Variants in NCAPG observed in about 807,000 individuals in gnomAD.
The protein encoded by NCAPG is non-SMC condensin I complex subunit G.
NCAPG carries 69 observed loss-of-function variants against 113.1 expected under a neutral mutation model. That is an observed-to-expected ratio of 0.61 (90% CI 0.50 to 0.75). NCAPG has a LOEUF of 0.75. NCAPG is among the 30% of genes least tolerant of loss of function. The probability of loss-of-function intolerance (pLI) is 0.00; values close to 1 mark genes in which losing one functional copy is unlikely to be tolerated. For missense variants in NCAPG, 1,058 were observed against 1,177.0 expected (o/e 0.90, Z 1.48); for synonymous variants, 370 against 415.8 (o/e 0.89, Z 1.34).
At chr4:17,823,569 G>A in intron 8 of NCAPG, 78 bp from the exon 9 acceptor site, 1 of 1,288,370 alleles carries the variant, frequency 7.8e-7, no homozygotes, top group Non-Finnish European at 1.1e-6. Flanking sequence ...ATGTAATTAA[G>A]TTTGCAGAGT....
At chr4:17,825,269 C>T in intron 10 of NCAPG, 113 bp from the exon 11 acceptor site, 2 of 990,178 alleles carry the variant, frequency 2.0e-6, no homozygotes, top group South Asian at 1.8e-5. Flanking sequence ...TTGCATATGC[C>T]TGACTCATTA....
chr4:17,829,234 G>T (rs1290013759), intron 12 of NCAPG, among the ~76,000 whole-genome samples: 1 of 152,150 alleles, frequency 6.6e-6, no homozygotes, highest in African/African-American at 2.4e-5. Context: ...AGCAAATTCT[G>T]TATGTAGCCA....
chr4:17,831,065 T>C lies in NCAPG; in HGVS notation c.1833T>C (p.Cys611=). 6.2e-7 allele frequency: 1 copy of C among 1,613,842 alleles called. No homozygotes were observed. Residue 611 remains cysteine, a synonymous_variant, in exon 13 of 21, where the codon TGT becomes TGC. Transcript: ENST00000251496. ...RNLAVLCLGC[C]GLQNQDFARK... ...TGGCTGTTTTATGCTTGGGATGCTG[T>C]GGACTACAGAATCAGGATTTTGCAA...
chr4:17,830,514 T>C (rs1009580239), intron 12 of NCAPG, among the ~76,000 whole-genome samples: 3 of 152,128 alleles, frequency 2.0e-5, no homozygotes, highest in Non-Finnish European at 4.4e-5. Context: ...GATACGATGT[T>C]TTGGTTATAT....
Position 17,815,375 on chromosome 4 carries a change from T to G in NCAPG, c.775+17T>G, listed in dbSNP as rs762554057. 2.6e-5 allele frequency: 41 copies of G among 1,555,952 alleles called. No homozygotes were observed. In the African/African-American group the frequency reaches 4.5e-4, roughly 17 times the overall value. On this transcript the variant is annotated intron_variant, in intron 5 of 20. Coordinates refer to ENST00000251496, the MANE Select transcript of NCAPG (RefSeq NM_022346.5). The stretch of plus-strand genomic sequence containing the variant: ...ACAGATCAGGTAAGATAAACAACTT[T>G]ATATATACAAAACTTTAGTAGATTT...
intron 19 of NCAPG, chr4:17,842,072 T>C (rs1722463463): frequency 2.5e-6 from 1 of 399,998 alleles, no homozygotes; most frequent in African/African-American, 2.0e-5. Context: ...GCTTGAAATT[T>C]CCTTATTTTC....
rs1307605599 is a variant in NCAPG, at chr4:17,842,250, A to AGAT, written c.2855-59_2855-57dup. The AGAT allele has an allele frequency of 4.2e-6, 6 of 1,430,456 alleles. No homozygotes were observed. The East Asian group carries it at 1.4e-4, about 33-fold the overall frequency. 88.6% of individuals were successfully genotyped at this position (1,430,456 alleles called of 1,614,324 possible). A position where few individuals can be genotyped will look rare whatever the true frequency, so the allele number is the denominator to read the frequency against. Reference sequence around the variant, plus strand: ...AAAGGATTTAGTTAGCCTAGAAACTAGATTAAAAACAAAAAGCAACTGATA... The same window carrying AGAT: ...AAAGGATTTAGTTAGCCTAGAAACTAGATGATTAAAAACAAAAAGCAACTGATA... On this transcript the variant is annotated intron_variant, in intron 19 of 20. Transcript: ENST00000251496.
intron 19 of NCAPG, chr4:17,841,873 ACCTT>A (rs1399623047): frequency 6.4e-6 from 1 of 155,370 alleles, no homozygotes. Flanking sequence ...ATGTTTTATC[ACCTT>A]CCAAGAAAAA....
Position 17,816,061 on chromosome 4 carries a change from C to T in NCAPG, c.775+703C>T, listed in dbSNP as rs182475771. On this transcript the variant is annotated intron_variant, in intron 5 of 20. Coordinates refer to ENST00000251496, the MANE Select transcript of NCAPG (RefSeq NM_022346.5). ...GGAATGGTCAGACCAGTATAATTTT[C>T]TTATTTTTTTTTTTTTCTGTTAGAG... is the stretch of plus-strand genomic sequence containing the variant. Among the ~76,000 whole-genome samples the T allele has an allele frequency of 6.9e-3, 1,017 of 147,628 alleles. 16 individuals are homozygous for T. The highest frequency in any genetic ancestry group is 0.024 in the African/African-American group (979 of 40,554).
chr4:17,817,254 T>A lies in NCAPG; in HGVS notation c.776-7T>A. Reference sequence around the variant, plus strand: ...TTTGTTCACCTATGTTTCAAATGACTCAATAGATGCTGTGAAACAAGCTAT... The same window carrying A: ...TTTGTTCACCTATGTTTCAAATGACACAATAGATGCTGTGAAACAAGCTAT... On this transcript the variant is annotated splice_polypyrimidine_tract_variant and splice_region_variant and intron_variant, in intron 5 of 20. Coordinates refer to ENST00000251496, the MANE Select transcript of NCAPG (RefSeq NM_022346.5). The A allele has an allele frequency of 1.2e-6, 2 of 1,607,386 alleles. No homozygotes were observed. Among genetic ancestry groups the A allele is most frequent in the Non-Finnish European group, 1.7e-6 (2 of 1,176,386 alleles).
chr4:17,826,746 G>A (rs1721671479), intron 11 of NCAPG, among the ~76,000 whole-genome samples: 1 of 152,170 alleles, frequency 6.6e-6, no homozygotes, highest in African/African-American at 2.4e-5. Context: ...AAGTATAGAG[G>A]TTTTATGGAG....
chr4:17,814,577 G>A (rs1721121034), intron 3 of NCAPG, among the ~76,000 whole-genome samples: 1 of 152,100 alleles, frequency 6.6e-6, no homozygotes, highest in Admixed American at 6.5e-5. Flanking sequence ...CTAAGTAACT[G>A]GAAGCGCCAC....
chr4:17,838,692 A>G (rs1722201615), intron 16 of NCAPG, among the ~76,000 whole-genome samples: 1 of 152,188 alleles, frequency 6.6e-6, no homozygotes, highest in South Asian at 2.1e-4. Flanking sequence ...AGGATCCTGA[A>G]TAGGACTGTT....
At chr4:17,819,139 A>C (rs1721342892) in intron 7 of NCAPG, among the ~76,000 whole-genome samples, 1 of 152,140 alleles carries the variant, frequency 6.6e-6, no homozygotes, top group African/African-American at 2.4e-5. Flanking sequence ...GTGCATATAT[A>C]ATGTAATAGA....
intron 3 of NCAPG, among the ~76,000 whole-genome samples, chr4:17,814,383 T>C (rs1181968406): frequency 6.6e-6 from 1 of 152,132 alleles, no homozygotes; most frequent in Admixed American, 6.5e-5. Flanking sequence ...CTGGGCAACA[T>C]AGTGAGACCT....
chr4:17,821,457 C>CTTTTTT (rs34483824), intron 7 of NCAPG, among the ~76,000 whole-genome samples: 1 of 104,490 alleles, frequency 9.6e-6, no homozygotes, highest in Non-Finnish European at 1.9e-5. Flanking sequence ...TCACCCCCGC[C>CTTTTTT]TTTTTTTTTT....
chr4:17,820,047 G>C lies in NCAPG; in HGVS notation c.1118+1959G>C, dbSNP rs187641625. Among the ~76,000 whole-genome samples the C allele has an allele frequency of 3.3e-5, 5 of 152,226 alleles. No homozygotes were observed. The East Asian group carries it at 9.6e-4, about 29-fold the overall frequency. ...AAATGTTTCCAAAAGGAATGAGTTT[G>C]TGGCAAAGTTTAATAATATATATAA... is the stretch of plus-strand genomic sequence containing the variant. On this transcript the variant is annotated intron_variant, in intron 7 of 20. Coordinates refer to ENST00000251496, the MANE Select transcript of NCAPG (RefSeq NM_022346.5).
chr4:17,830,505 A>AT (rs1458465937), intron 12 of NCAPG, among the ~76,000 whole-genome samples: 2 of 151,530 alleles, frequency 1.3e-5, no homozygotes, highest in African/African-American at 4.9e-5. Context: ...AATACTACAG[A>AT]TACGATGTTT....
intron 4 of NCAPG, 47 bp downstream of exon 4, chr4:17,815,045 G>A: frequency 2.5e-6 from 4 of 1,597,988 alleles, no homozygotes; most frequent in Non-Finnish European, 2.6e-6. Context: ...AAAGGACAAG[G>A]AGCCATTTTC....
Sources: gnomAD v4.1 joint callset for allele counts (sites outside exome capture counted in the v4.1 genomes callset) on GRCh38, gnomAD v4.1.1 for gene constraint, MANE v1.5 for transcripts, NCBI Gene and HGNC (gene_info 2026-07-23, HGNC 2026-07-21) for gene names.